Variants in ARHGAP15 observed in about 807,000 individuals in gnomAD.
ARHGAP15 encodes the protein rho GTPase-activating protein 15.
In ARHGAP15, 51 loss-of-function variants were observed where a neutral mutation model predicts 63.7. The observed-to-expected ratio is 0.80, with a 90% CI of 0.64 to 1.01. The LOEUF (loss-of-function observed/expected upper bound fraction) is 1.01. ARHGAP15 is among the 50% of genes least tolerant of loss of function. The pLI, the probability that ARHGAP15 is intolerant of heterozygous loss-of-function variation, is 0.00. For missense variants in ARHGAP15, 560 were observed against 564.6 expected, an observed-to-expected ratio of 0.99 and a Z score of 0.08; for synonymous variants, 191 against 193.8, an observed-to-expected ratio of 0.99 and a Z score of 0.12.
intron 12 of ARHGAP15, among the ~76,000 whole-genome samples, chr2:143,691,797 C>G (rs538872257): frequency 6.6e-6 from 1 of 152,234 alleles, no homozygotes; most frequent in African/African-American, 2.4e-5. Flanking sequence ...TTGTGATAAC[C>G]ATTTTTAAGA....
chr2:143,206,456 T>C (rs1692333485), intron 3 of ARHGAP15, among the ~76,000 whole-genome samples: 1 of 152,194 alleles, frequency 6.6e-6, no homozygotes, highest in Admixed American at 6.6e-5. Flanking sequence ...ACTAATATAT[T>C]GTTTTCAAAA....
chr2:143,336,360 G>A (rs34803127), intron 6 of ARHGAP15, among the ~76,000 whole-genome samples: 33,282 of 152,092 alleles, frequency 0.22, 4,109 homozygotes, highest in East Asian at 0.41. Flanking sequence ...TGAAATCTGT[G>A]TTTTCTGATG....
At chr2:143,426,483 G>A (rs1354337148) in intron 6 of ARHGAP15, among the ~76,000 whole-genome samples, 1 of 152,090 alleles carries the variant, frequency 6.6e-6, no homozygotes, top group Non-Finnish European at 1.5e-5. Flanking sequence ...TTCCTAGGTT[G>A]GTATGTTCTG....
intron 8 of ARHGAP15, among the ~76,000 whole-genome samples, chr2:143,456,770 G>A (rs1312307331): frequency 7.3e-5 from 11 of 151,546 alleles, no homozygotes; most frequent in Admixed American, 7.2e-4. Context: ...TTTGTAACTT[G>A]CCTTTAAGTT....
chr2:143,372,851 T>C (rs934306610), intron 6 of ARHGAP15, among the ~76,000 whole-genome samples: 1 of 152,124 alleles, frequency 6.6e-6, no homozygotes, highest in Non-Finnish European at 1.5e-5. Flanking sequence ...AAAAATGATA[T>C]GTTCTAGATG....
intron 10 of ARHGAP15, among the ~76,000 whole-genome samples, chr2:143,552,897 A>G (rs1213498353): frequency 2.0e-5 from 3 of 152,196 alleles, no homozygotes; most frequent in Non-Finnish European, 4.4e-5. Flanking sequence ...TCTCCAAAGC[A>G]CAAAAGAGGT....
chr2:143,331,567 T>C (rs1227069981), intron 6 of ARHGAP15, among the ~76,000 whole-genome samples: 1 of 152,190 alleles, frequency 6.6e-6, no homozygotes, highest in Non-Finnish European at 1.5e-5. Flanking sequence ...TATGAATGCA[T>C]GAGTGAATAA....
At chr2:143,233,638 A>G (rs1401519529) in intron 5 of ARHGAP15, among the ~76,000 whole-genome samples, 3 of 148,386 alleles carry the variant, frequency 2.0e-5, no homozygotes, top group Non-Finnish European at 4.5e-5. Context: ...AAAATTTCCA[A>G]TAGCTATCTT....
At chr2:143,628,811 G>GT (rs1698946545) in intron 12 of ARHGAP15, among the ~76,000 whole-genome samples, 1 of 152,120 alleles carries the variant, frequency 6.6e-6, no homozygotes, top group African/African-American at 2.4e-5. Context: ...AATGGTTTCT[G>GT]TTTTTTGCTT....
At chr2:143,132,085 A>C (rs955379568) in intron 1 of ARHGAP15, among the ~76,000 whole-genome samples, 2 of 152,154 alleles carry the variant, frequency 1.3e-5, no homozygotes, top group African/African-American at 4.8e-5. Flanking sequence ...AGTTTTTAAT[A>C]GATGTATTTT....
intron 13 of ARHGAP15, among the ~76,000 whole-genome samples, chr2:143,748,370 A>G (rs1159581591): frequency 6.6e-6 from 1 of 152,194 alleles, no homozygotes; most frequent in Non-Finnish European, 1.5e-5. Flanking sequence ...GTCAAATAAC[A>G]TTGATAACTA....
chr2:143,395,902 G>A (rs779717772), intron 6 of ARHGAP15, among the ~76,000 whole-genome samples: 1 of 151,892 alleles, frequency 6.6e-6, no homozygotes. Flanking sequence ...GATGGTTTTG[G>A]CAAGCAGAGA....
intron 2 of ARHGAP15, among the ~76,000 whole-genome samples, chr2:143,194,414 A>G (rs1458540617): frequency 6.6e-6 from 1 of 152,230 alleles, no homozygotes; most frequent in Non-Finnish European, 1.5e-5. Flanking sequence ...GGTAGGAACT[A>G]TAGCTTTGGC....
chr2:143,287,048 T>A (rs1284724373), intron 6 of ARHGAP15, among the ~76,000 whole-genome samples: 1 of 152,106 alleles, frequency 6.6e-6, no homozygotes, highest in Non-Finnish European at 1.5e-5. Context: ...AGTCTAAAGT[T>A]CTAGAGGTGA....
At chr2:143,379,483 A>ATGTGTG (rs1194698992) in intron 6 of ARHGAP15, among the ~76,000 whole-genome samples, 2 of 50,964 alleles carry the variant, frequency 3.9e-5, no homozygotes, top group African/African-American at 1.4e-4. Context: ...TTTTAGGCAT[A>ATGTGTG]TATATGTGTG....
chr2:143,171,049 G>A (rs1023169138), intron 2 of ARHGAP15, among the ~76,000 whole-genome samples: 1 of 152,056 alleles, frequency 6.6e-6, no homozygotes, highest in African/African-American at 2.4e-5. Context: ...TGAAGACACA[G>A]AGAGGGCAAA....
intron 11 of ARHGAP15, chr2:143,598,064 A>C (rs1266520917): frequency 6.6e-6 from 1 of 152,194 alleles, no homozygotes; most frequent in Non-Finnish European, 1.5e-5. Context: ...TCCACCTTCC[A>C]ACACTGTTGC....
chr2:143,766,674 A>G (rs1686956433), intron 13 of ARHGAP15: 1 of 152,186 alleles, frequency 6.6e-6, no homozygotes, highest in Non-Finnish European at 1.5e-5. Flanking sequence ...TGTGCCTCAG[A>G]CTGCAAAAGT....
intron 6 of ARHGAP15, among the ~76,000 whole-genome samples, chr2:143,277,795 C>T (rs549371783): frequency 1.8e-4 from 28 of 152,144 alleles, no homozygotes; most frequent in Admixed American, 1.8e-3. Flanking sequence ...TCTGTAGGGG[C>T]CTTTTCCTGC....
Sources: allele counts gnomAD v4.1 joint callset (sites outside exome capture counted in the v4.1 genomes callset), GRCh38; gene constraint gnomAD v4.1.1; transcripts MANE v1.5; gene names NCBI Gene and HGNC (gene_info 2026-07-23, HGNC 2026-07-21).